ANKS1B: variants seen among roughly 807,000 people sequenced by gnomAD.
ANKS1B encodes the protein ankyrin repeat and sterile alpha motif domain-containing protein 1B.
A neutral mutation model predicts 148.3 loss-of-function variants in ANKS1B; 36 were observed. That is an observed-to-expected ratio of 0.24 (90% CI 0.19 to 0.32). ANKS1B has a LOEUF of 0.32. Among genes scored for constraint, ANKS1B ranks in the 10% least tolerant of loss-of-function variants. The pLI, the probability that ANKS1B is intolerant of heterozygous loss-of-function variation, is 1.00. For synonymous variants in ANKS1B, 542 were observed against 560.8 expected (o/e 0.97, Z 0.47); for missense variants, 1,157 against 1,542.6 (o/e 0.75, Z 4.19).
At chr12:99,157,326 T>G (rs1434754911) in intron 14 of ANKS1B, among the ~76,000 whole-genome samples, 1 of 152,158 alleles carries the variant, frequency 6.6e-6, no homozygotes. Context: ...TTATAAATAG[T>G]TGAATATACT....
chr12:99,306,618 T>C (rs1490026957), intron 12 of ANKS1B, among the ~76,000 whole-genome samples: 2 of 152,114 alleles, frequency 1.3e-5, no homozygotes, highest in Non-Finnish European at 2.9e-5. Context: ...TCAAAGACAT[T>C]TTAAAACTTT....
chr12:98,919,491 CTCA>C (rs1397362305), intron 17 of ANKS1B, among the ~76,000 whole-genome samples: 1 of 152,210 alleles, frequency 6.6e-6, no homozygotes, highest in Admixed American at 6.5e-5. Context: ...CACTGAATAA[CTCA>C]ATCTACCTAA....
chr12:99,616,429 G>T (rs560645269), intron 9 of ANKS1B, among the ~76,000 whole-genome samples: 1 of 152,050 alleles, frequency 6.6e-6, no homozygotes, highest in Non-Finnish European at 1.5e-5. Context: ...CAGGGTACTC[G>T]TACCAAACCA....
chr12:99,982,422 C>T (rs374909114), intron 1 of ANKS1B, among the ~76,000 whole-genome samples: 75 of 151,434 alleles, frequency 5.0e-4, no homozygotes, highest in Non-Finnish European at 8.7e-4. Flanking sequence ...TTTTAAAATA[C>T]GATTTATCAC....
intron 12 of ANKS1B, among the ~76,000 whole-genome samples, chr12:99,349,212 G>A (rs191134916): frequency 6.6e-6 from 1 of 151,680 alleles, no homozygotes; most frequent in African/African-American, 2.4e-5. Context: ...GAACCAAAAG[G>A]GATTACAAAA....
At chr12:99,341,619 G>A (rs903795197) in intron 12 of ANKS1B, among the ~76,000 whole-genome samples, 1 of 152,026 alleles carries the variant, frequency 6.6e-6, no homozygotes, top group African/African-American at 2.4e-5. Context: ...TAGAAATAAA[G>A]TTCTGTTTTG....
At position 99,730,351 on chromosome 12, in the gene ANKS1B, C is replaced by A. The variant is rs867735475; in HGVS notation, c.1128+42571G>T. On this transcript the variant is annotated intron_variant, in intron 8 of 26. Transcript: ENST00000683438. ...AGTCAAGGCTCTGGAACTAGGGTGG[C>A]AGACAATTGCACACTCTCTCTAAAT... Among the ~76,000 whole-genome samples the A allele has an allele frequency of 2.6e-5, 4 of 152,252 alleles. No individual in the cohort carries two copies. In the Middle Eastern group the frequency reaches 0.01, roughly 388 times the overall value.
intron 10 of ANKS1B, among the ~76,000 whole-genome samples, chr12:99,463,522 G>A (rs1595292725): frequency 6.6e-6 from 1 of 152,200 alleles, no homozygotes; most frequent in Non-Finnish European, 1.5e-5. Context: ...GGGGCAGGGA[G>A]TTCCCTTTCC....
intron 1 of ANKS1B, among the ~76,000 whole-genome samples, chr12:99,887,165 T>C (rs188862017): frequency 6.6e-6 from 1 of 152,264 alleles, no homozygotes; most frequent in Admixed American, 6.5e-5. Flanking sequence ...GCAGCACTAA[T>C]AAACGATGGG....
At chr12:99,728,079 A>C (rs796272445) in intron 8 of ANKS1B, among the ~76,000 whole-genome samples, 5 of 152,312 alleles carry the variant, frequency 3.3e-5, no homozygotes, top group African/African-American at 1.2e-4. Flanking sequence ...ATGGGCAAAG[A>C]CTTCATGATG....
intron 1 of ANKS1B, among the ~76,000 whole-genome samples, chr12:99,891,009 A>G (rs565484795): frequency 1.3e-5 from 2 of 152,370 alleles, no homozygotes; most frequent in African/African-American, 4.8e-5. Context: ...TTTGACTTTT[A>G]TGGACATTAC....
At chr12:99,950,738 C>A (rs1469286351) in intron 1 of ANKS1B, among the ~76,000 whole-genome samples, 2 of 152,090 alleles carry the variant, frequency 1.3e-5, no homozygotes, top group Non-Finnish European at 2.9e-5. Context: ...CCACCCCCCC[C>A]AATAACCCTC....
intron 4 of ANKS1B, among the ~76,000 whole-genome samples, chr12:99,785,263 G>A (rs1327248567): frequency 2.0e-5 from 3 of 147,108 alleles, no homozygotes; most frequent in Admixed American, 6.7e-5. Flanking sequence ...TAGGTCGTGT[G>A]TGTGTGTGTG....
intron 15 of ANKS1B, among the ~76,000 whole-genome samples, chr12:99,125,443 G>T (rs2064053346): frequency 6.6e-6 from 1 of 152,070 alleles, no homozygotes; most frequent in Admixed American, 6.6e-5. Context: ...CTCTTTTCTG[G>T]GATCTTTTCA....
intron 23 of ANKS1B, 32 bp from the exon 24 acceptor site, chr12:98,781,235 GT>G (rs2098731974): frequency 2.1e-6 from 3 of 1,428,968 alleles, no homozygotes; most frequent in Non-Finnish European, 1.9e-6. Context: ...TGTTAGAGCA[GT>G]TTGTGTTGCG....
chr12:98,913,763 G>A lies in ANKS1B; in HGVS notation c.2779-81627C>T, dbSNP rs187389768. ...CTGCCTCAGCCTCCCGAGTAGCTAC[G>A]ATGACAGACGCGTGCCACTACCACA... On this transcript the variant is annotated intron_variant, in intron 17 of 26. Coordinates refer to ENST00000683438, the MANE Select transcript of ANKS1B (RefSeq NM_001352186.2). 2.0e-5 allele frequency among the ~76,000 whole-genome samples: 3 copies of A among 152,230 alleles called. No individual in the cohort carries two copies. The East Asian group carries it at 5.8e-4, about 29-fold the overall frequency.
intron 17 of ANKS1B, among the ~76,000 whole-genome samples, chr12:98,989,202 C>T (rs1026198576): frequency 6.6e-6 from 1 of 152,058 alleles, no homozygotes; most frequent in Non-Finnish European, 1.5e-5. Context: ...TGTCATGGAG[C>T]TTTCTCCTAT....
At chr12:99,825,534 A>T in intron 1 of ANKS1B, 145 bp from the exon 2 acceptor site, 1 of 603,616 alleles carries the variant, frequency 1.7e-6, no homozygotes. Flanking sequence ...TCTTCTATGA[A>T]TTCCCCTCAG....
intron 8 of ANKS1B, among the ~76,000 whole-genome samples, chr12:99,714,969 A>C (rs2057115090): frequency 6.6e-6 from 1 of 151,394 alleles, no homozygotes; most frequent in African/African-American, 2.4e-5. Flanking sequence ...AAATACAAAA[A>C]AAAAAAAAAA....
Sources: gnomAD v4.1 joint callset for allele counts (sites outside exome capture counted in the v4.1 genomes callset) on GRCh38, gnomAD v4.1.1 for gene constraint, MANE v1.5 for transcripts, NCBI Gene and HGNC (gene_info 2026-07-23, HGNC 2026-07-21) for gene names.